Variants in LRP1B observed in about 807,000 individuals in gnomAD.
LRP1B encodes low-density lipoprotein receptor-related protein 1B.
In LRP1B, 217 loss-of-function variants were observed where a neutral mutation model predicts 556.6. The ratio of observed to expected loss-of-function variants is 0.39; its 90% CI spans 0.35 to 0.44. LRP1B has a LOEUF of 0.44. Among genes scored for constraint, LRP1B ranks in the 20% least tolerant of loss-of-function variants. The probability of loss-of-function intolerance (pLI) is 1.00; values close to 1 mark genes in which losing one functional copy is unlikely to be tolerated. For synonymous variants in LRP1B, 2,047 were observed against 1,865.8 expected, an observed-to-expected ratio of 1.10 and a Z score of -2.50; for missense variants, 5,053 against 5,620.8, an observed-to-expected ratio of 0.90 and a Z score of 3.23.
chr2:141,586,333 A>AT lies in LRP1B; in HGVS notation c.206-105801dup, dbSNP rs1334836259. 5.3e-5 allele frequency among the ~76,000 whole-genome samples: 8 copies of AT among 151,924 alleles called. 1 individual carries two copies. In the South Asian group the frequency reaches 6.3e-4, roughly 12 times the overall value. The stretch of plus-strand genomic sequence containing the variant: ...CAACTCTAGTCTTACTGAGATTTTC[A>AT]TTTTTTTTCCTTTCAGTACTACTTA... On this transcript the variant is annotated intron_variant, in intron 2 of 90. Coordinates refer to ENST00000389484, the MANE Select transcript of LRP1B (RefSeq NM_018557.3).
chr2:141,617,514 A>C (rs577322894), intron 2 of LRP1B, among the ~76,000 whole-genome samples: 2 of 152,242 alleles, frequency 1.3e-5, no homozygotes, highest in African/African-American at 4.8e-5. Flanking sequence ...TATTTCTATA[A>C]AATTTTCTCT....
intron 89 of LRP1B, 103 bp downstream of exon 89, chr2:140,238,049 T>A (rs1002036291): frequency 1.9e-6 from 2 of 1,028,738 alleles, no homozygotes; most frequent in Admixed American, 2.6e-5. Context: ...TCCCTTATTC[T>A]AACTTCAGAT....
chr2:140,541,050 C>T lies in LRP1B; in HGVS notation c.7436G>A (p.Cys2479Tyr), dbSNP rs755592825. The change falls in exon 45 of 91, where the codon TGC (cysteine) becomes TAC (tyrosine). Residue 2479 changes from cysteine (C) to tyrosine (Y), a missense_variant. Physicochemically the swap from Cys to Tyr is radical, Grantham distance 194 (BLOSUM62 -2). Around this residue, in one of 5 missense-constraint regions of LRP1B, gnomAD observed 3,619 missense variants for 3,931.9 expected, o/e 0.92. Coordinates refer to ENST00000389484, the MANE Select transcript of LRP1B (RefSeq NM_018557.3). ...ALLNGGCHDL[C>Y]LLTPNGRVNC... ...CACTCTCCCATTGGGAGTTAAAAGG[C>T]ACAAGTCATGGCAGCCTCCATTCAA... 2 of 1,611,350 alleles carry T rather than the reference C, an allele frequency of 1.2e-6. No homozygotes were observed. The highest frequency in any genetic ancestry group is 2.7e-5 in the African/African-American group (2 of 74,766).
At chr2:141,508,411 A>G (rs1684009049) in intron 2 of LRP1B, among the ~76,000 whole-genome samples, 1 of 152,214 alleles carries the variant, frequency 6.6e-6, no homozygotes, top group African/African-American at 2.4e-5. Context: ...TCTTGCCTAA[A>G]TGGTTGACAC....
rs1692790167 is a variant in LRP1B at position 140,861,315 on chromosome 2, G to GAGAATC, written c.4579+6269_4579+6274dup. ...CAAGCTACTTGGGAGGCAGAGGCTGGAGAATCGCTTGAACCTGGGAGGCGG... is the reference window on the plus strand; with the variant it reads ...CAAGCTACTTGGGAGGCAGAGGCTGGAGAATCAGAATCGCTTGAACCTGGGAGGCGG... On this transcript the variant is annotated intron_variant, in intron 27 of 90. Coordinates refer to ENST00000389484, the MANE Select transcript of LRP1B (RefSeq NM_018557.3). Among the ~76,000 whole-genome samples, 4 of 152,338 alleles carry GAGAATC rather than the reference G, an allele frequency of 2.6e-5. No individual in the cohort carries two copies. The South Asian group carries it at 6.2e-4, about 24-fold the overall frequency.
chr2:140,359,667 G>A (rs1220902147), intron 72 of LRP1B, among the ~76,000 whole-genome samples: 1 of 151,490 alleles, frequency 6.6e-6, no homozygotes, highest in Non-Finnish European at 1.5e-5. Flanking sequence ...TCTCACTCTT[G>A]AATTATTTGC....
intron 3 of LRP1B, among the ~76,000 whole-genome samples, chr2:141,294,456 C>T (rs941086294): frequency 3.3e-5 from 5 of 151,970 alleles, no homozygotes; most frequent in Admixed American, 3.3e-4. Context: ...GGTGCTGTGG[C>T]TCATGCCTGT....
intron 18 of LRP1B, among the ~76,000 whole-genome samples, chr2:140,963,153 C>T (rs1182131801): frequency 1.3e-5 from 2 of 151,884 alleles, no homozygotes; most frequent in Admixed American, 1.3e-4. Context: ...GAAATGTTTC[C>T]TGGATCAATA....
intron 41 of LRP1B, among the ~76,000 whole-genome samples, chr2:140,601,897 C>T (rs572229408): frequency 6.6e-6 from 1 of 152,002 alleles, no homozygotes; most frequent in South Asian, 2.1e-4. Flanking sequence ...TAAATAATTG[C>T]CTTTCATTTT....
intron 29 of LRP1B, among the ~76,000 whole-genome samples, chr2:140,842,954 C>T (rs140874122): frequency 0.013 from 1,961 of 151,784 alleles, 74 homozygotes; most frequent in Admixed American, 0.073. Context: ...AATATTTTGT[C>T]AGTCTAAGAA....
At chr2:141,230,782 C>G (rs1022355094) in intron 5 of LRP1B, among the ~76,000 whole-genome samples, 2 of 152,186 alleles carry the variant, frequency 1.3e-5, no homozygotes, top group Admixed American at 6.6e-5. Context: ...TCTTTTAGGT[C>G]ATTATGCAAA....
intron 43 of LRP1B, among the ~76,000 whole-genome samples, chr2:140,549,372 AT>A (rs1232786264): frequency 6.6e-6 from 1 of 152,132 alleles, no homozygotes; most frequent in Non-Finnish European, 1.5e-5. Context: ...AGAAATTTAT[AT>A]TTCTTTCCTT....
chr2:141,669,221 G>C (rs961151719), intron 2 of LRP1B, among the ~76,000 whole-genome samples: 1 of 152,000 alleles, frequency 6.6e-6, no homozygotes, highest in African/African-American at 2.4e-5. Flanking sequence ...CAATATGACT[G>C]GTGTCTATAA....
rs551414335 is a variant in LRP1B, at chr2:141,643,116, C to A, written c.206-162583G>T. 1.1e-4 allele frequency among the ~76,000 whole-genome samples: 16 copies of A among 152,202 alleles called. No homozygotes were observed. In the South Asian group the frequency reaches 3.3e-3, roughly 32 times the overall value. Reference sequence around the variant, plus strand: ...AGTAGACATCTGAGAATTATTAATTCGCTAAGCAAAAGCAGCAGTCTATTT... The same window carrying A: ...AGTAGACATCTGAGAATTATTAATTAGCTAAGCAAAAGCAGCAGTCTATTT... On this transcript the variant is annotated intron_variant, in intron 2 of 90. Coordinates refer to ENST00000389484, the MANE Select transcript of LRP1B (RefSeq NM_018557.3).
intron 1 of LRP1B, among the ~76,000 whole-genome samples, chr2:142,129,584 T>TCTCTCTCTCTC (rs1707775509): frequency 3.0e-5 from 4 of 134,734 alleles, no homozygotes; most frequent in African/African-American, 1.1e-4. Context: ...CTTTCTCTCT[T>TCTCTCTCTCTC]TCTCTCTCTC....
At chr2:140,352,826 T>C in intron 76 of LRP1B, 127 bp downstream of exon 76, 1 of 916,804 alleles carries the variant, frequency 1.1e-6, no homozygotes, top group Non-Finnish European at 1.6e-6. Flanking sequence ...ACTGGCCAAA[T>C]TAATCATCAT....
intron 14 of LRP1B, among the ~76,000 whole-genome samples, chr2:141,008,151 T>C (rs138668539): frequency 3.3e-5 from 5 of 151,532 alleles, no homozygotes; most frequent in Admixed American, 1.3e-4. Context: ...ACTACAAATA[T>C]GGTGCTAAAA....
At chr2:140,691,118 A>T (rs1012687351) in intron 41 of LRP1B, among the ~76,000 whole-genome samples, 2 of 152,196 alleles carry the variant, frequency 1.3e-5, no homozygotes, top group Non-Finnish European at 2.9e-5. Flanking sequence ...CTCCTAAACA[A>T]TAAGCACATA....
chr2:140,238,728 C>T (rs1004882414), intron 88 of LRP1B, among the ~76,000 whole-genome samples: 1 of 150,898 alleles, frequency 6.6e-6, no homozygotes, highest in African/African-American at 2.4e-5. Flanking sequence ...AAGTTTGTTA[C>T]GTGGTTATAT....
Sources: gnomAD v4.1 joint callset for allele counts (sites outside exome capture counted in the v4.1 genomes callset) on GRCh38, gnomAD v4.1.1 for gene constraint, gnomAD v4.1.1 regional missense constraint, MANE v1.5 for transcripts, NCBI Gene and HGNC (gene_info 2026-07-23, HGNC 2026-07-21) for gene names.